The following DYNC2H1 variants were observed in gnomAD, a reference collection of about 807,000 sequenced individuals.
The protein encoded by DYNC2H1 is cytoplasmic dynein 2 heavy chain 1.
DYNC2H1 carries 410 observed loss-of-function variants against 570.0 expected under a neutral mutation model. That is an observed-to-expected ratio of 0.72 (90% CI 0.66 to 0.78). DYNC2H1 has a LOEUF of 0.78. Among genes scored for constraint, DYNC2H1 ranks in the 30% least tolerant of loss-of-function variants. DYNC2H1 has a pLI of 0.00. For missense variants in DYNC2H1, 4,865 were observed against 5,046.4 expected (o/e 0.96, Z 1.09); for synonymous variants, 1,688 against 1,677.6 (o/e 1.01, Z -0.15).
intron 83 of DYNC2H1, among the ~76,000 whole-genome samples, chr11:103,387,048 T>C (rs1426223957): frequency 6.6e-6 from 1 of 152,180 alleles, no homozygotes; most frequent in East Asian, 1.9e-4. Flanking sequence ...ATGGTATTTC[T>C]AGTTCTAGAT....
intron 84 of DYNC2H1, among the ~76,000 whole-genome samples, chr11:103,428,149 T>C (rs1472110587): frequency 6.0e-5 from 9 of 150,946 alleles, no homozygotes; most frequent in Non-Finnish European, 1.3e-4. Context: ...CAGGCATCAT[T>C]AGTCAAATGG....
chr11:103,448,335 T>C (rs544701333), intron 85 of DYNC2H1, among the ~76,000 whole-genome samples: 1 of 152,234 alleles, frequency 6.6e-6, no homozygotes, highest in South Asian at 2.1e-4. Flanking sequence ...TGTGGAGAGA[T>C]TTCCTATTTA....
At chr11:103,219,173 C>T (rs563632418) in intron 55 of DYNC2H1, among the ~76,000 whole-genome samples, 7 of 152,028 alleles carry the variant, frequency 4.6e-5, no homozygotes, top group African/African-American at 1.7e-4. Flanking sequence ...TTGGGGGGAC[C>T]CCTTGAGTCT....
chr11:103,152,116 T>TTC lies in DYNC2H1; in HGVS notation c.2947-19_2947-18insCT. On this transcript the variant is annotated intron_variant, in intron 20 of 88. Transcript: ENST00000375735. ...AAAATAGGTTGTTATTCAATTTGTTTTTTTTTTTTTAACCTTTAGATTTTG... is the reference window on the plus strand; with the variant it reads ...AAAATAGGTTGTTATTCAATTTGTTTTCTTTTTTTTTTAACCTTTAGATTTTG... 3 of 1,569,480 alleles carry TTC rather than the reference T, an allele frequency of 1.9e-6. No homozygotes were observed. The highest frequency in any genetic ancestry group is 2.6e-6 in the Non-Finnish European group (3 of 1,158,398).
chr11:103,365,572 G>A (rs1940867912), intron 83 of DYNC2H1, among the ~76,000 whole-genome samples: 1 of 152,158 alleles, frequency 6.6e-6, no homozygotes, highest in South Asian at 2.1e-4. Context: ...ATAGGGAAAA[G>A]GTGTCAGTTT....
intron 82 of DYNC2H1, 139 bp from the exon 83 acceptor site, chr11:103,358,104 T>C: frequency 1.9e-6 from 1 of 517,872 alleles, no homozygotes; most frequent in Admixed American, 3.4e-5. Context: ...TGAAGAGAGA[T>C]AATAAGATTA....
chr11:103,279,498 T>C (rs763960827), intron 70 of DYNC2H1, among the ~76,000 whole-genome samples: 9 of 152,164 alleles, frequency 5.9e-5, no homozygotes, highest in Non-Finnish European at 1.3e-4. Flanking sequence ...ATTTTGTCTT[T>C]TAGATTGCTC....
rs931474227 is a variant in DYNC2H1 at position 103,182,253 on chromosome 11, T to C, written c.6477+367T>C. Reference sequence around the variant, plus strand: ...GACATATGTATATATAATATATAGGTATTTATATACCTATATATACACCTA... The same window carrying C: ...GACATATGTATATATAATATATAGGCATTTATATACCTATATATACACCTA... On this transcript the variant is annotated intron_variant, in intron 40 of 88. Coordinates refer to ENST00000375735, the MANE Select transcript of DYNC2H1 (RefSeq NM_001377.3). Among the ~76,000 whole-genome samples the C allele has an allele frequency of 1.5e-4, 22 of 150,326 alleles. 1 individual carries two copies. Among genetic ancestry groups the C allele is most frequent in the Admixed American group, 1.3e-3 (19 of 14,902 alleles).
intron 11 of DYNC2H1, among the ~76,000 whole-genome samples, chr11:103,123,904 T>C (rs1307783578): frequency 6.6e-6 from 1 of 152,058 alleles, no homozygotes; most frequent in Non-Finnish European, 1.5e-5. Context: ...AATGCTGGTA[T>C]ATACAAACTA....
At position 103,241,447 on chromosome 11, in the gene DYNC2H1, C is replaced by T; in HGVS notation, c.9820-2246C>T. 7.7e-7 allele frequency: 1 copy of T among 1,299,930 alleles called. No homozygotes were observed. Among genetic ancestry groups the T allele is most frequent in the Non-Finnish European group, 1.1e-6 (1 of 921,124 alleles). The allele number at this position is 1,299,930 out of a possible 1,614,324, so 80.5% of individuals were successfully genotyped here. A position where few individuals can be genotyped will look rare whatever the true frequency, so the allele number is the denominator to read the frequency against. Reference sequence around the variant, plus strand: ...AGATGACAACAAACTTTTAAGTACCCTTTGAAAAACTTAAGCATGTTTTCT... The same window carrying T: ...AGATGACAACAAACTTTTAAGTACCTTTTGAAAAACTTAAGCATGTTTTCT... On this transcript the variant is annotated intron_variant, in intron 63 of 88. Transcript: ENST00000375735. This position sits in a 1 kb window ranked among gnomAD's most constrained non-coding sequence, Gnocchi z 5.1.
At position 103,415,847 on chromosome 11, in the gene DYNC2H1, G is replaced by A. The variant is rs147363750; in HGVS notation, c.12366+15975G>A. Reference sequence around the variant, plus strand: ...ATCATGCTACTATAAAGACACATGCGCACATATGTTTATTGCTGCACTATT... The same window carrying A: ...ATCATGCTACTATAAAGACACATGCACACATATGTTTATTGCTGCACTATT... On this transcript the variant is annotated intron_variant, in intron 84 of 88. Transcript: ENST00000375735. Among the ~76,000 whole-genome samples the A allele has an allele frequency of 4.2e-3, 634 of 152,148 alleles. 5 individuals are homozygous for A. The highest frequency in any genetic ancestry group is 0.014 in the African/African-American group (563 of 41,508).
intron 79 of DYNC2H1, among the ~76,000 whole-genome samples, chr11:103,312,304 C>T (rs1031462771): frequency 4.7e-4 from 67 of 144,060 alleles, no homozygotes; most frequent in African/African-American, 1.7e-3. Flanking sequence ...CGCTTGAACC[C>T]GGGAGGCGGA....
At chr11:103,154,304 CT>C (rs1373247219) in intron 22 of DYNC2H1, 146 bp from the exon 23 acceptor site, 21 of 615,532 alleles carry the variant, frequency 3.4e-5, no homozygotes, top group Middle Eastern at 4.6e-4. Flanking sequence ...ATTGTAGTTT[CT>C]TATTGTTTCT....
At chr11:103,304,528 A>G (rs1477415851) in intron 76 of DYNC2H1, 67 bp from the exon 77 acceptor site, 10 of 1,519,122 alleles carry the variant, frequency 6.6e-6, no homozygotes, top group Non-Finnish European at 8.9e-6. Flanking sequence ...ATTGAATCTC[A>G]TACTGTTATA....
At chr11:103,169,557 A>G (rs1035018959) in intron 32 of DYNC2H1, among the ~76,000 whole-genome samples, 2 of 152,170 alleles carry the variant, frequency 1.3e-5, no homozygotes, top group Non-Finnish European at 2.9e-5. Flanking sequence ...TTGGGACCCA[A>G]ATCTATCTAC....
chr11:103,200,679 A>G (rs1454907476), intron 50 of DYNC2H1, among the ~76,000 whole-genome samples: 2 of 152,220 alleles, frequency 1.3e-5, no homozygotes, highest in African/African-American at 4.8e-5. Flanking sequence ...CTCCAGATAT[A>G]TGAAATTCCA....
intron 17 of DYNC2H1, among the ~76,000 whole-genome samples, chr11:103,137,445 G>C (rs1181386017): frequency 6.6e-6 from 1 of 151,946 alleles, no homozygotes; most frequent in Non-Finnish European, 1.5e-5. Flanking sequence ...TTCTACATAT[G>C]GTTAGCCAGT....
At chr11:103,306,202 C>T (rs556249233) in intron 77 of DYNC2H1, among the ~76,000 whole-genome samples, 15 of 152,256 alleles carry the variant, frequency 9.9e-5, no homozygotes, top group African/African-American at 3.1e-4. Flanking sequence ...CGTGAGCCAT[C>T]GCGCCTAGCC....
chr11:103,219,882 A>G (rs1477895270), intron 55 of DYNC2H1, 33 bp from the exon 56 acceptor site: 1 of 1,248,920 alleles, frequency 8.0e-7, no homozygotes, highest in South Asian at 1.4e-5. Context: ...AAGCATTAAA[A>G]TTGATTGGAA....
Sources: gnomAD v4.1 joint callset for allele counts (sites outside exome capture counted in the v4.1 genomes callset) on GRCh38, gnomAD v4.1.1 for gene constraint, Gnocchi (gnomAD v3.1) non-coding constraint, MANE v1.5 for transcripts, NCBI Gene and HGNC (gene_info 2026-07-23, HGNC 2026-07-21) for gene names.